Variants in FXYD7 observed in about 807,000 individuals in gnomAD.
FXYD7 encodes the protein FXYD domain-containing ion transport regulator 7.
In FXYD7, 7 loss-of-function variants were observed where a neutral mutation model predicts 15.3. The ratio of observed to expected loss-of-function variants is 0.46; its 90% confidence interval spans 0.26 to 0.86. The LOEUF (loss-of-function observed/expected upper bound fraction) is 0.86, where lower values mean the gene tolerates loss of function less well. FXYD7 is among the 40% of genes least tolerant of loss of function. The pLI, the probability that FXYD7 is intolerant of heterozygous loss-of-function variation, is 0.16. For missense variants in FXYD7, 78 were observed against 100.6 expected (o/e 0.78, Z 0.96); for synonymous variants, 39 against 39.3 (o/e 0.99, Z 0.03).
Position 35,154,021 on chromosome 19 carries a change from A to G in FXYD7, c.*105A>G. Reference sequence around the variant, plus strand: ...GCCGCGCGCCGGGAGCGCTCCCCGGAATGAGCCGCCCCACCCACCCCAAGG... The same window carrying G: ...GCCGCGCGCCGGGAGCGCTCCCCGGGATGAGCCGCCCCACCCACCCCAAGG... On this transcript the variant is annotated 3_prime_UTR_variant, in exon 6 of 6. Coordinates refer to ENST00000270310, the MANE Select transcript of FXYD7 (RefSeq NM_022006.2). The G allele has an allele frequency of 7.5e-6, 8 of 1,069,932 alleles. No homozygotes were observed. The highest frequency in any genetic ancestry group is 1.1e-5 in the Non-Finnish European group (8 of 713,180). The allele number at this position is 1,069,932 out of a possible 1,614,324, so 66.3% of individuals were successfully genotyped here. A position where few individuals can be genotyped will look rare whatever the true frequency, so the allele number is the denominator to read the frequency against.
At chr19:35,151,773 C>T (rs572815640) in intron 5 of FXYD7, 100 bp downstream of exon 5, 17 of 470,796 alleles carry the variant, frequency 3.6e-5, no homozygotes, top group Middle Eastern at 3.4e-4. Flanking sequence ...ACGCAGGGGG[C>T]GGAGGGGGGG....
rs1276782256 is a variant in FXYD7, at chr19:35,143,390, G to A, written c.31+26G>A. On this transcript the variant is annotated intron_variant, in intron 1 of 5. Coordinates refer to ENST00000270310, the MANE Select transcript of FXYD7 (RefSeq NM_022006.2). This position sits in a 1 kb window ranked among gnomAD's most constrained non-coding sequence, Gnocchi z 4.3. The stretch of plus-strand genomic sequence containing the variant: ...GTGAGCGTCGTTTGGGGAGGGGGTT[G>A]CAGGGGGGCTCCGGGATCTGAGAGC... The A allele has an allele frequency of 1.3e-6, 2 of 1,492,216 alleles. No homozygotes were observed. Among genetic ancestry groups the A allele is most frequent in the African/African-American group, 1.5e-5 (1 of 68,076 alleles). The allele number at this position is 1,492,216 out of a possible 1,614,324, so 92.4% of individuals were successfully genotyped here. A position where few individuals can be genotyped will look rare whatever the true frequency, so the allele number is the denominator to read the frequency against.
chr19:35,154,261 A>G lies in FXYD7; in HGVS notation c.*345A>G. On this transcript the variant is annotated 3_prime_UTR_variant, in exon 6 of 6. Coordinates refer to ENST00000270310, the MANE Select transcript of FXYD7 (RefSeq NM_022006.2). The stretch of plus-strand genomic sequence containing the variant: ...CCGTCCCCCTGGCCCCTCAGTGTCC[A>G]TGTCTTGAGCTTAATAAATGTGCAT... 2.4e-6 allele frequency: 1 copy of G among 422,372 alleles called. No individual in the cohort carries two copies. The highest frequency in any genetic ancestry group is 4.2e-6 in the Non-Finnish European group (1 of 240,646). The allele number at this position is 422,372 out of a possible 1,614,324, so 26.2% of individuals were successfully genotyped here.
chr19:35,148,922 C>G (rs554088975), intron 2 of FXYD7, 199 bp downstream of exon 2: 3 of 706,704 alleles, frequency 4.2e-6, no homozygotes, highest in African/African-American at 3.4e-5. Flanking sequence ...GCCTCACACT[C>G]TCTCTGAGCC....
intron 5 of FXYD7, among the ~76,000 whole-genome samples, chr19:35,152,472 C>T (rs150920423): frequency 4.6e-3 from 604 of 131,564 alleles, no homozygotes; most frequent in African/African-American, 0.017. Context: ...GCCGAGGAAG[C>T]GGGACAGAGG....
chr19:35,144,233 G>A (rs904322248), intron 1 of FXYD7, among the ~76,000 whole-genome samples: 26 of 152,070 alleles, frequency 1.7e-4, no homozygotes, highest in African/African-American at 5.8e-4. Flanking sequence ...TGGGAATGGG[G>A]CGATGGGACC....
intron 2 of FXYD7, among the ~76,000 whole-genome samples, chr19:35,150,748 G>T (rs78476677): frequency 0.01 from 1,526 of 152,234 alleles, 22 homozygotes; most frequent in African/African-American, 0.035. Flanking sequence ...GAAAGGAACT[G>T]GATCATATGG....
chr19:35,148,964 G>T, intron 2 of FXYD7: 1 of 660,168 alleles, frequency 1.5e-6, no homozygotes, highest in Admixed American at 2.1e-5. Flanking sequence ...CTGGGCTGGT[G>T]CCTTGGTGTC....
In FXYD7 at chr19:35,143,398, G is replaced by T. The variant is rs1324890284; in HGVS notation, c.31+34G>T. 1 of 1,478,814 alleles carries T rather than the reference G, an allele frequency of 6.8e-7. No homozygotes were observed. Among genetic ancestry groups the T allele is most frequent in the South Asian group, 1.3e-5 (1 of 78,220 alleles). The allele number at this position is 1,478,814 out of a possible 1,614,324, so 91.6% of individuals were successfully genotyped here. A position where few individuals can be genotyped will look rare whatever the true frequency, so the allele number is the denominator to read the frequency against. ...CGTTTGGGGAGGGGGTTGCAGGGGG[G>T]CTCCGGGATCTGAGAGCCTAGGAGA... On this transcript the variant is annotated intron_variant, in intron 1 of 5. Transcript: ENST00000270310. The surrounding 1 kb of genome is among the most constrained non-coding windows in gnomAD (Gnocchi z 4.3).
chr19:35,146,349 G>A (rs559289996), intron 1 of FXYD7, among the ~76,000 whole-genome samples: 1 of 152,260 alleles, frequency 6.6e-6, no homozygotes, highest in African/African-American at 2.4e-5. Flanking sequence ...ATATTGGCCA[G>A]GCTGGTCTCA....
At chr19:35,148,803 C>CTGTGGCCCAGCACGTATCG in intron 2 of FXYD7, 80 bp downstream of exon 2, 3 of 1,266,218 alleles carry the variant, frequency 2.4e-6, no homozygotes, top group Non-Finnish European at 3.5e-6. Context: ...ATGGCTTCAG[C>CTGTGGCCCAGCACGTATCG]TGTGGCCACA....
At chr19:35,151,821 G>A (rs1600493793) in intron 5 of FXYD7, 148 bp downstream of exon 5, 1 of 713,524 alleles carries the variant, frequency 1.4e-6, no homozygotes, top group East Asian at 2.6e-5. Context: ...TCCCTAGGAA[G>A]CTGAGGAAAT....
chr19:35,149,420 T>C (rs570757397), intron 2 of FXYD7: 58 of 219,088 alleles, frequency 2.6e-4, no homozygotes, highest in Non-Finnish European at 5.0e-4. Context: ...AGATCAAACA[T>C]AGACTACTCT....
At chr19:35,150,864 G>T (rs1413756800) in intron 2 of FXYD7, among the ~76,000 whole-genome samples, 1 of 152,132 alleles carries the variant, frequency 6.6e-6, no homozygotes, top group Non-Finnish European at 1.5e-5. Flanking sequence ...ATGTTGATGG[G>T]TCCTTGTGGC....
At chr19:35,145,842 A>G (rs1345725967) in intron 1 of FXYD7, among the ~76,000 whole-genome samples, 4 of 152,180 alleles carry the variant, frequency 2.6e-5, no homozygotes. Flanking sequence ...CAATGGCACG[A>G]TCACAGCTCA....
At position 35,144,977 on chromosome 19, in the gene FXYD7, G is replaced by C. The variant is rs187300718; in HGVS notation, c.31+1613G>C. ...GGGAGAGTCTCCCTCCACCCTGCCAGAGAACAGGAGGGAGAGTTAGGAGTG... is the reference window on the plus strand; with the variant it reads ...GGGAGAGTCTCCCTCCACCCTGCCACAGAACAGGAGGGAGAGTTAGGAGTG... On this transcript the variant is annotated intron_variant, in intron 1 of 5. Transcript: ENST00000270310. Among the ~76,000 whole-genome samples, 64 of 152,278 alleles carry C rather than the reference G, an allele frequency of 4.2e-4. No individual in the cohort carries two copies. In the East Asian group the frequency reaches 0.012, roughly 28 times the overall value.
intron 4 of FXYD7, 41 bp downstream of exon 4, chr19:35,151,523 G>T: frequency 1.9e-6 from 3 of 1,606,476 alleles, no homozygotes; most frequent in Non-Finnish European, 2.6e-6. Flanking sequence ...GGGCCTCGGG[G>T]TGCCTCCCTA....
Position 35,153,993 on chromosome 19 carries a change from C to G in FXYD7, c.*77C>G. The G allele has an allele frequency of 1.4e-6, 2 of 1,437,514 alleles. No individual in the cohort carries two copies. The highest frequency in any genetic ancestry group is 1.9e-6 in the Non-Finnish European group (2 of 1,031,968). The allele number at this position is 1,437,514 out of a possible 1,614,324, so 89.0% of individuals were successfully genotyped here. A position where few individuals can be genotyped will look rare whatever the true frequency, so the allele number is the denominator to read the frequency against. On this transcript the variant is annotated 3_prime_UTR_variant, in exon 6 of 6. Transcript: ENST00000270310. ...AGGACCGGGTGGAGGCGGTGGGGAC[C>G]CAGCCGCGCGCCGGGAGCGCTCCCC...
intron 2 of FXYD7, 105 bp from the exon 3 acceptor site, chr19:35,151,149 C>G (rs1192904578): frequency 1.3e-6 from 1 of 792,432 alleles, no homozygotes; most frequent in Admixed American, 1.7e-5. Flanking sequence ...CACAGCCTCC[C>G]TGGGCGATTC....
Sources: allele counts gnomAD v4.1 joint callset (sites outside exome capture counted in the v4.1 genomes callset), GRCh38; gene constraint gnomAD v4.1.1; non-coding constraint Gnocchi (gnomAD v3.1); transcripts MANE v1.5; gene names NCBI Gene and HGNC (gene_info 2026-07-23, HGNC 2026-07-21).